CXorf38: variants seen among roughly 807,000 people sequenced by gnomAD.
CXorf38 encodes the protein uncharacterized protein CXorf38.
Under a neutral mutation model 27.5 loss-of-function variants are expected in CXorf38, and 13 were observed. The ratio of observed to expected loss-of-function variants is 0.47; its 90% confidence interval spans 0.31 to 0.75. The LOEUF (loss-of-function observed/expected upper bound fraction) is 0.75. CXorf38 is among the 30% of genes least tolerant of loss of function. The probability of loss-of-function intolerance (pLI) is 0.05; values close to 1 mark genes in which losing one functional copy is unlikely to be tolerated. For missense variants in CXorf38, 240 were observed against 253.2 expected, an observed-to-expected ratio of 0.95 and a Z score of 0.35; for synonymous variants, 100 against 99.8, an observed-to-expected ratio of 1.00 and a Z score of -0.01.
intron 2 of CXorf38, among the ~76,000 whole-genome samples, chrX:40,641,428 C>T (rs996060177): frequency 7.2e-5 from 8 of 111,599 alleles, no homozygotes; most frequent in Non-Finnish European, 1.5e-4. Flanking sequence ...TGCTCTGTTG[C>T]CCAGACTGGA....
At chrX:40,644,092 G>A (rs1258346582) in intron 2 of CXorf38, among the ~76,000 whole-genome samples, 8 of 112,222 alleles carry the variant, frequency 7.1e-5, no homozygotes, top group African/African-American at 2.3e-4. Context: ...GAACATCTGC[G>A]TACATTTTTT....
At chrX:40,643,267 T>C (rs552487283) in intron 2 of CXorf38, among the ~76,000 whole-genome samples, 2 of 111,421 alleles carry the variant, frequency 1.8e-5, no homozygotes, top group African/African-American at 6.5e-5. Flanking sequence ...TCAAGTGTTT[T>C]TAAAAAAAAC....
chrX:40,633,694 C>T (rs1317994970), intron 5 of CXorf38, among the ~76,000 whole-genome samples: 1 of 112,088 alleles, frequency 8.9e-6, no homozygotes, highest in South Asian at 3.7e-4. Flanking sequence ...ACACTGTCAT[C>T]GTCCCTTGTC....
chrX:40,643,894 C>T (rs1928459016), intron 2 of CXorf38, among the ~76,000 whole-genome samples: 1 of 112,667 alleles, frequency 8.9e-6, no homozygotes, highest in Admixed American at 9.4e-5. Context: ...TAGCTTCTTT[C>T]ACTCAGCATA....
At chrX:40,638,450 G>C (rs774834503) in intron 3 of CXorf38, among the ~76,000 whole-genome samples, 51 of 111,959 alleles carry the variant, frequency 4.6e-4, no homozygotes, top group African/African-American at 1.2e-3. Flanking sequence ...TGGTGAACTA[G>C]AGAAAAATCT....
At chrX:40,640,871 C>T (rs866801575) in intron 2 of CXorf38, among the ~76,000 whole-genome samples, 3 of 95,158 alleles carry the variant, frequency 3.2e-5, no homozygotes, top group African/African-American at 7.8e-5. Context: ...ACCCAGGAGG[C>T]GGAGGTTGCA....
In CXorf38 at chrX:40,640,939, C is replaced by CAAA. The variant is rs148737476; in HGVS notation, c.352-1814_352-1812dup. 1.0e-3 allele frequency among the ~76,000 whole-genome samples: 51 copies of CAAA among 51,233 alleles called. 1 individual carries two copies. The highest frequency in any genetic ancestry group is 0.012 in the Middle Eastern group (1 of 82). The allele number at this position is 51,233 out of a possible 115,157, so 44.5% of individuals were successfully genotyped here. ...TGGGCAACAGAGTGAGACTCTGTCT[C>CAAA]AAAAAAAAAAAAAAAAAAAAGTCTA... On this transcript the variant is annotated intron_variant, in intron 2 of 6. Coordinates refer to ENST00000327877, the MANE Select transcript of CXorf38 (RefSeq NM_144970.3).
At chrX:40,632,277 C>G (rs1033025881) in intron 5 of CXorf38, among the ~76,000 whole-genome samples, 1 of 111,826 alleles carries the variant, frequency 8.9e-6, no homozygotes, top group Admixed American at 9.4e-5. Flanking sequence ...CGGAGACTTT[C>G]TCACATGATA....
At chrX:40,641,634 C>T (rs963052853) in intron 2 of CXorf38, among the ~76,000 whole-genome samples, 4 of 111,763 alleles carry the variant, frequency 3.6e-5, no homozygotes, top group African/African-American at 9.8e-5. Context: ...TCAAGTGATC[C>T]GCCTGCTTCG....
chrX:40,645,522 C>T (rs1327839594), intron 2 of CXorf38, among the ~76,000 whole-genome samples: 6 of 111,204 alleles, frequency 5.4e-5, no homozygotes, highest in Non-Finnish European at 1.1e-4. Context: ...AAGTAGAAGT[C>T]AGCAACTCTA....
chrX:40,635,444 T>C (rs935204952), intron 5 of CXorf38, among the ~76,000 whole-genome samples: 6 of 112,905 alleles, frequency 5.3e-5, no homozygotes, highest in Non-Finnish European at 7.5e-5. Context: ...CTATGTTTAA[T>C]GAGGTAACCA....
chrX:40,637,027 C>T lies in CXorf38; in HGVS notation c.601G>A (p.Val201Ile). ...TTTACCTGTTCTATTCTGGAGTATA[C>T]TGCCACAATCTCTGGGATGTTCTTG... ...EFKNIPEIVA[V>I]YSRIEQLLTS... The change falls in exon 4 of 7, where the codon GTA (valine) becomes ATA (isoleucine). Residue 201 changes from valine (V) to isoleucine (I), a missense_variant. By Grantham distance (29) the Val-to-Ile change is conservative (BLOSUM62 3). Coordinates refer to ENST00000327877, the MANE Select transcript of CXorf38 (RefSeq NM_144970.3). The T allele has an allele frequency of 2.5e-6, 3 of 1,204,647 alleles. No homozygotes were observed. The South Asian group carries it at 5.4e-5, about 22-fold the overall frequency.
Position 40,636,526 on chromosome X carries a change from CT to C in CXorf38, c.801+6del. On this transcript the variant is annotated splice_donor_region_variant and intron_variant, in intron 5 of 6. Transcript: ENST00000327877. ...CTCACACAGAGCCTATAACACTTTT[CT>C]TTTACCTCTTCAGGCAACACCTCTT... The C allele has an allele frequency of 1.7e-6, 2 of 1,183,554 alleles. No individual in the cohort carries two copies. The highest frequency in any genetic ancestry group is 1.8e-5 in the African/African-American group (1 of 57,089).
At chrX:40,634,615 C>A (rs184277384) in intron 5 of CXorf38, among the ~76,000 whole-genome samples, 2 of 112,092 alleles carry the variant, frequency 1.8e-5, no homozygotes, top group Admixed American at 1.9e-4. Flanking sequence ...CAGCATTTTA[C>A]ATTCATTGAA....
chrX:40,637,878 G>T (rs1928146207), intron 3 of CXorf38, among the ~76,000 whole-genome samples: 1 of 111,513 alleles, frequency 9.0e-6, no homozygotes, highest in Non-Finnish European at 1.9e-5. Context: ...GAGGCTTGAG[G>T]GGGTGTTCAA....
intron 5 of CXorf38, 22 bp from the exon 6 acceptor site, chrX:40,630,795 T>C (rs192350081): frequency 2.5e-6 from 3 of 1,193,494 alleles, no homozygotes; most frequent in Admixed American, 4.5e-5. Flanking sequence ...AACCATGCAA[T>C]GTACAGCTTA....
rs927084712 is a variant in CXorf38, at chrX:40,630,746, C to T, written c.829G>A (p.Glu277Lys). 8.3e-7 allele frequency: 1 copy of T among 1,210,318 alleles called. No homozygotes were observed. The highest frequency in any genetic ancestry group is 1.1e-6 in the Non-Finnish European group (1 of 894,625). The change falls in exon 6 of 7, where the codon GAA becomes AAA. Residue 277 changes from glutamate to lysine, a missense_variant. Transcript: ENST00000327877. ...ELSNRLEVVK[E>K]FLRNNEDLRN... ...AGATCCTCATTGTTTCTCAGAAATTCCTTCACCACTTCCAGTCGATTTGAG... is the reference window on the plus strand; with the variant it reads ...AGATCCTCATTGTTTCTCAGAAATTTCTTCACCACTTCCAGTCGATTTGAG...
rs1477393583 is a variant in CXorf38, at chrX:40,627,191, G to C, written c.*2973C>G. 1.9e-5 allele frequency: 2 copies of C among 103,896 alleles called. No homozygotes were observed. Among genetic ancestry groups the C allele is most frequent in the East Asian group, 3.2e-4 (1 of 3,165 alleles). The allele number at this position is 103,896 out of a possible 1,213,427, so 8.6% of individuals were successfully genotyped here. A position where few individuals can be genotyped will look rare whatever the true frequency, so the allele number is the denominator to read the frequency against. The stretch of plus-strand genomic sequence containing the variant: ...TTGCTATGCATTTTTTTTTTTGGGG[G>C]GGGGGGGTTGTTTTTTAGAGACGGA... On this transcript the variant is annotated 3_prime_UTR_variant, in exon 7 of 7. Transcript: ENST00000327877.
At chrX:40,640,137 C>T in intron 2 of CXorf38, 1 of 292,363 alleles carries the variant, frequency 3.4e-6, no homozygotes, top group Non-Finnish European at 6.4e-6. Context: ...TTGAGCCCAG[C>T]CTGGGCAACA....
Sources: allele counts gnomAD v4.1 joint callset (sites outside exome capture counted in the v4.1 genomes callset), GRCh38; gene constraint gnomAD v4.1.1; transcripts MANE v1.5; gene names NCBI Gene and HGNC (gene_info 2026-07-23, HGNC 2026-07-21).